The following SPATS2 variants were observed in gnomAD, a reference collection of about 807,000 sequenced individuals.
SPATS2 encodes the protein spermatogenesis associated serine rich 2.
A neutral mutation model predicts 63.7 loss-of-function variants in SPATS2; 38 were observed. The ratio of observed to expected loss-of-function variants is 0.60; its 90% CI spans 0.46 to 0.78. SPATS2 has a LOEUF of 0.78. SPATS2 is among the 30% of genes least tolerant of loss of function. SPATS2 has a pLI of 0.00. For synonymous variants in SPATS2, 207 were observed against 232.9 expected, an observed-to-expected ratio of 0.89 and a Z score of 1.01; for missense variants, 588 against 666.2, an observed-to-expected ratio of 0.88 and a Z score of 1.29.
At chr12:49,505,252 A>G (rs1166984180) in intron 9 of SPATS2, among the ~76,000 whole-genome samples, 1 of 152,164 alleles carries the variant, frequency 6.6e-6, no homozygotes, top group Admixed American at 6.5e-5. Flanking sequence ...TGTAATATGT[A>G]TTATCAAAAA....
intron 2 of SPATS2, among the ~76,000 whole-genome samples, chr12:49,451,027 C>T (rs538425313): frequency 9.2e-5 from 14 of 151,526 alleles, no homozygotes; most frequent in African/African-American, 3.4e-4. Flanking sequence ...CACCACTGTG[C>T]CCAGCTAATA....
chr12:49,450,807 G>C (rs1345357934), intron 2 of SPATS2, among the ~76,000 whole-genome samples: 1 of 151,800 alleles, frequency 6.6e-6, no homozygotes, highest in East Asian at 1.9e-4. Flanking sequence ...GCCTCCCGAA[G>C]TGCTGGAATT....
chr12:49,526,176 G>A lies in SPATS2; in HGVS notation c.1559G>A (p.Ser520Asn). ...TNGTGVSMEP[S>N]PPTPSFKKGL... ...GGAACTGGAGTCAGCATGGAGCCCA[G>A]CCCTCCCACGCCTTCATTCAAAAAG... The change falls in exon 14 of 14, where the codon AGC (serine) becomes AAC (asparagine). Residue 520 changes from serine to asparagine, a missense_variant. Coordinates refer to ENST00000552918, the MANE Select transcript of SPATS2 (RefSeq NM_023071.4). The A allele has an allele frequency of 6.2e-7, 1 of 1,614,162 alleles. No homozygotes were observed. The highest frequency in any genetic ancestry group is 8.5e-7 in the Non-Finnish European group (1 of 1,180,032).
At chr12:49,419,751 A>G (rs940327755) in intron 2 of SPATS2, among the ~76,000 whole-genome samples, 3 of 152,228 alleles carry the variant, frequency 2.0e-5, no homozygotes, top group Non-Finnish European at 4.4e-5. Context: ...ATATACTAGT[A>G]GAAGACAGCT....
At chr12:49,433,959 G>C (rs1016927544) in intron 2 of SPATS2, among the ~76,000 whole-genome samples, 2 of 152,102 alleles carry the variant, frequency 1.3e-5, no homozygotes, top group Non-Finnish European at 2.9e-5. Context: ...TTTTGTGTAT[G>C]GTGTAAGGTA....
chr12:49,486,607 C>T (rs1946298050), intron 4 of SPATS2, among the ~76,000 whole-genome samples: 1 of 152,064 alleles, frequency 6.6e-6, no homozygotes, highest in Non-Finnish European at 1.5e-5. Flanking sequence ...GAATTACAGA[C>T]TGTATACCTT....
intron 3 of SPATS2, among the ~76,000 whole-genome samples, chr12:49,470,567 A>G (rs1565738333): frequency 6.6e-6 from 1 of 152,238 alleles, no homozygotes; most frequent in Non-Finnish European, 1.5e-5. Flanking sequence ...AGAAAAATAT[A>G]ACTTAGGAGC....
chr12:49,500,071 T>C lies in SPATS2; in HGVS notation c.705T>C (p.Ser235=). ...AATATTTCGGTTTTTTTCCCCAAGG[T>C]TCCAATATTGAAAAATCTGTAAAAG... The part of the protein sequence containing the change: ...DVPLATSKKL[S]SNIEKSVKDL... The change falls in exon 9 of 14, where the codon AGT becomes AGC. Residue 235 remains serine (S), a splice_region_variant and synonymous_variant. Coordinates refer to ENST00000552918, the MANE Select transcript of SPATS2 (RefSeq NM_023071.4). The C allele has an allele frequency of 6.8e-7, 1 of 1,465,094 alleles. No homozygotes were observed. Among genetic ancestry groups the C allele is most frequent in the Non-Finnish European group, 9.0e-7 (1 of 1,109,768 alleles). The allele number at this position is 1,465,094 out of a possible 1,614,324, so 90.8% of individuals were successfully genotyped here.
At chr12:49,398,010 G>A (rs765013099) in intron 2 of SPATS2, among the ~76,000 whole-genome samples, 1 of 150,754 alleles carries the variant, frequency 6.6e-6, no homozygotes, top group African/African-American at 2.4e-5. Flanking sequence ...AATGAGTGGT[G>A]TGAGCCTGTG....
Position 49,511,338 on chromosome 12 carries a change from T to C in SPATS2, c.840-3217T>C, listed in dbSNP as rs141144141. Among the ~76,000 whole-genome samples the C allele has an allele frequency of 1.4e-3, 213 of 152,288 alleles. 1 individual carries two copies. Among genetic ancestry groups the C allele is most frequent in the African/African-American group, 4.7e-3 (196 of 41,580 alleles). ...AGCAGGAAGCAGTCATCCAAATCTA[T>C]CTTTCATGATTGAAGAAAGGATATG... On this transcript the variant is annotated intron_variant, in intron 9 of 13. Coordinates refer to ENST00000552918, the MANE Select transcript of SPATS2 (RefSeq NM_023071.4).
chr12:49,510,562 C>CA (rs1270614197), intron 9 of SPATS2, among the ~76,000 whole-genome samples: 29,620 of 88,144 alleles, frequency 0.34, 6,173 homozygotes, highest in African/African-American at 0.62. Context: ...GACCCTGTCT[C>CA]AAAAAAAAAA....
chr12:49,402,627 A>G (rs916371872), intron 2 of SPATS2, among the ~76,000 whole-genome samples: 3 of 152,206 alleles, frequency 2.0e-5, no homozygotes, highest in Admixed American at 2.0e-4. Context: ...CTATATGAAC[A>G]TTGAAATCGC....
chr12:49,490,934 T>A (rs1402108274), intron 6 of SPATS2: 4 of 505,920 alleles, frequency 7.9e-6, no homozygotes, highest in Non-Finnish European at 1.4e-5. Context: ...TTGAGGTCAG[T>A]GGTTCAAGAC....
chr12:49,413,650 A>G (rs1225324962), intron 2 of SPATS2, among the ~76,000 whole-genome samples: 1 of 152,136 alleles, frequency 6.6e-6, no homozygotes, highest in Non-Finnish European at 1.5e-5. Context: ...ACATTTCAGC[A>G]TTAGTCTCAG....
intron 2 of SPATS2, among the ~76,000 whole-genome samples, chr12:49,380,618 A>T (rs1944199704): frequency 6.6e-6 from 1 of 152,068 alleles, no homozygotes; most frequent in Admixed American, 6.6e-5. Flanking sequence ...AGACAGGAGA[A>T]TCACTTGAAC....
At chr12:49,419,002 T>G (rs927494081) in intron 2 of SPATS2, among the ~76,000 whole-genome samples, 1 of 152,180 alleles carries the variant, frequency 6.6e-6, no homozygotes, top group Non-Finnish European at 1.5e-5. Flanking sequence ...CTATACCTTT[T>G]CATTTGTCTT....
Position 49,496,972 on chromosome 12 carries a change from G to A in SPATS2, c.666G>A (p.Gly222=). 1 of 1,595,118 alleles carries A rather than the reference G, an allele frequency of 6.3e-7. No homozygotes were observed. Among genetic ancestry groups the A allele is most frequent in the Non-Finnish European group, 8.5e-7 (1 of 1,171,514 alleles). Residue 222 remains glycine (G), a synonymous_variant, in exon 8 of 14, where the codon GGG becomes GGA. Coordinates refer to ENST00000552918, the MANE Select transcript of SPATS2 (RefSeq NM_023071.4). The part of the protein sequence containing the change: ...PTTETQFSNM[G]MEDVPLATSK... The stretch of plus-strand genomic sequence containing the variant: ...CAGAAACTCAGTTTTCAAATATGGG[G>A]ATGGAAGATGTTCCCCTCGCCACCA...
rs1946472886 is a variant in SPATS2, at chr12:49,496,912, C to G, written c.606C>G (p.Pro202=). The change falls in exon 8 of 14, where the codon CCC becomes CCG. Residue 202 remains proline, a synonymous_variant. Coordinates refer to ENST00000552918, the MANE Select transcript of SPATS2 (RefSeq NM_023071.4). ...TMHSIHNSQQ[P]RNAAKSLSRP... ...ACTCTATTCACAATTCTCAACAACC[C>G]AGGAATGCTGCCAAATCTCTCTCAA... The G allele has an allele frequency of 1.9e-6, 3 of 1,613,250 alleles. No individual in the cohort carries two copies. Among genetic ancestry groups the G allele is most frequent in the Non-Finnish European group, 2.5e-6 (3 of 1,179,746 alleles).
chr12:49,494,664 G>A (rs1268613132), intron 6 of SPATS2, 77 bp from the exon 7 acceptor site: 38 of 1,365,342 alleles, frequency 2.8e-5, no homozygotes, highest in Non-Finnish European at 3.6e-5. Context: ...CCTTTGGGTA[G>A]CTAGAGTTAC....
Sources: gnomAD v4.1 joint callset for allele counts (sites outside exome capture counted in the v4.1 genomes callset) on GRCh38, gnomAD v4.1.1 for gene constraint, MANE v1.5 for transcripts, NCBI Gene and HGNC (gene_info 2026-07-23, HGNC 2026-07-21) for gene names.